Variants in NBEA observed in about 807,000 individuals in gnomAD.
The protein encoded by NBEA is lysosomal-trafficking regulator 2.
Under a neutral mutation model 343.4 loss-of-function variants are expected in NBEA, and 44 were observed. The observed-to-expected ratio is 0.13, with a 90% CI of 0.10 to 0.16. The LOEUF (loss-of-function observed/expected upper bound fraction) is 0.16. NBEA is among the 10% of genes least tolerant of loss of function. The pLI, the probability that NBEA is intolerant of heterozygous loss-of-function variation, is 1.00. For synonymous variants in NBEA, 1,175 were observed against 1,238.7 expected, an observed-to-expected ratio of 0.95 and a Z score of 1.08; for missense variants, 2,555 against 3,631.3, an observed-to-expected ratio of 0.70 and a Z score of 7.62.
At chr13:35,357,965 T>G (rs552750249) in intron 38 of NBEA, among the ~76,000 whole-genome samples, 5 of 152,290 alleles carry the variant, frequency 3.3e-5, no homozygotes, top group African/African-American at 9.6e-5. Context: ...GCTTAATCAC[T>G]CCTTAACTTC....
At chr13:35,666,102 C>G (rs1358067108) in intron 56 of NBEA, among the ~76,000 whole-genome samples, 2 of 152,036 alleles carry the variant, frequency 1.3e-5, no homozygotes, top group Non-Finnish European at 2.9e-5. Flanking sequence ...GGTGCCACAA[C>G]CTGGAGGAAT....
intron 36 of NBEA, among the ~76,000 whole-genome samples, chr13:35,341,556 A>C (rs2039584778): frequency 6.6e-6 from 1 of 152,098 alleles, no homozygotes; most frequent in African/African-American, 2.4e-5. Flanking sequence ...TAATAAGACA[A>C]ATGGCCCAAT....
At chr13:35,213,087 C>G (rs2073876233) in intron 33 of NBEA, among the ~76,000 whole-genome samples, 1 of 151,514 alleles carries the variant, frequency 6.6e-6, no homozygotes, top group South Asian at 2.1e-4. Context: ...CTACATTTTC[C>G]CTGTCTTGCC....
chr13:35,169,452 T>C (rs962089433), intron 25 of NBEA, among the ~76,000 whole-genome samples: 1 of 151,472 alleles, frequency 6.6e-6, no homozygotes, highest in African/African-American at 2.4e-5. Context: ...ACTCTAAAAT[T>C]TAATTTTTTC....
chr13:35,458,109 C>A (rs977907854), intron 40 of NBEA, among the ~76,000 whole-genome samples: 8 of 152,168 alleles, frequency 5.3e-5, no homozygotes, highest in Non-Finnish European at 1.2e-4. Flanking sequence ...ATTGGTGGGT[C>A]AAATAATAAC....
At position 34,942,958 on chromosome 13, in the gene NBEA, G is replaced by T. The variant is rs532800227; in HGVS notation, c.138G>T (p.Arg46Ser). 3 of 1,599,034 alleles carry T rather than the reference G, an allele frequency of 1.9e-6. No individual in the cohort carries two copies. Among genetic ancestry groups the T allele is most frequent in the Non-Finnish European group, 2.6e-6 (3 of 1,173,232 alleles). Residue 46 changes from arginine to serine, a missense_variant, in exon 1 of 59, where the codon AGG (arginine) becomes AGT (serine). Around this residue, in one of 21 missense-constraint regions of NBEA, gnomAD observed 122 missense variants for 91.0 expected, o/e 1.34. Transcript: ENST00000379939. ...GGGGCAGCGGGATGGGGGAGCTAAG[G>T]GGGGCGTCCGGCTCCGGCTCGGTGA... ...GTGGSGMGEL[R>S]GASGSGSVML...
chr13:35,142,175 A>T, intron 17 of NBEA, 94 bp from the exon 18 acceptor site: 1 of 658,226 alleles, frequency 1.5e-6, no homozygotes. Context: ...ATTATTCTGT[A>T]TCTGCTTATA....
At chr13:35,418,966 G>A (rs1273287487) in intron 38 of NBEA, among the ~76,000 whole-genome samples, 1 of 151,844 alleles carries the variant, frequency 6.6e-6, no homozygotes, top group Admixed American at 6.6e-5. Context: ...TTGGGGATGG[G>A]ACCCAAGTTT....
intron 42 of NBEA, 74 bp from the exon 43 acceptor site, chr13:35,550,856 A>T: frequency 1.1e-6 from 1 of 881,414 alleles, no homozygotes; most frequent in South Asian, 1.7e-5. Flanking sequence ...TAGGCACTTG[A>T]AGATGACTTG....
At chr13:35,312,544 G>A (rs939280195) in intron 36 of NBEA, among the ~76,000 whole-genome samples, 2 of 152,166 alleles carry the variant, frequency 1.3e-5, no homozygotes, top group African/African-American at 4.8e-5. Context: ...AAAGAATACT[G>A]GAGAATAACT....
At chr13:35,128,589 T>C (rs1408868379) in intron 17 of NBEA, among the ~76,000 whole-genome samples, 1 of 152,044 alleles carries the variant, frequency 6.6e-6, no homozygotes, top group East Asian at 1.9e-4. Flanking sequence ...ATACTACAAG[T>C]CAGTAAGTTT....
At chr13:35,449,082 G>T (rs1050401298) in intron 39 of NBEA, among the ~76,000 whole-genome samples, 9 of 152,326 alleles carry the variant, frequency 5.9e-5, no homozygotes, top group African/African-American at 2.2e-4. Flanking sequence ...GAAGCTATAA[G>T]TGGTCCAATA....
At chr13:35,206,835 T>C (rs961852023) in intron 31 of NBEA, among the ~76,000 whole-genome samples, 1 of 152,124 alleles carries the variant, frequency 6.6e-6, no homozygotes, top group African/African-American at 2.4e-5. Flanking sequence ...GCCTTAGTTT[T>C]GAAATATAGT....
chr13:35,403,993 T>G (rs1262339593), intron 38 of NBEA, among the ~76,000 whole-genome samples: 3 of 146,908 alleles, frequency 2.0e-5, no homozygotes, highest in Non-Finnish European at 3.0e-5. Context: ...CAAAAACACA[T>G]GAAAAAATGC....
intron 17 of NBEA, among the ~76,000 whole-genome samples, chr13:35,139,435 T>A (rs1001694861): frequency 2.0e-5 from 3 of 152,140 alleles, no homozygotes; most frequent in Non-Finnish European, 4.4e-5. Flanking sequence ...TTCAGTGGAA[T>A]GTATAGTAAG....
rs556810726 is a variant in NBEA at position 35,183,222 on chromosome 13, A to G, written c.4831+694A>G. Among the ~76,000 whole-genome samples, 36 of 152,098 alleles carry G rather than the reference A, an allele frequency of 2.4e-4. No homozygotes were observed. The South Asian group carries it at 2.5e-3, about 11-fold the overall frequency. ...GGCAACTAACATTTTAATATTGGACACCTTCTATCATTATCATTTCCTTCC... is the reference window on the plus strand; with the variant it reads ...GGCAACTAACATTTTAATATTGGACGCCTTCTATCATTATCATTTCCTTCC... On this transcript the variant is annotated intron_variant, in intron 29 of 58. Transcript: ENST00000379939.
chr13:35,296,154 G>A (rs1171233757), intron 35 of NBEA, among the ~76,000 whole-genome samples: 1 of 152,020 alleles, frequency 6.6e-6, no homozygotes, highest in Admixed American at 6.6e-5. Flanking sequence ...CACTTTGGGA[G>A]GCCAAGGCAG....
chr13:35,580,891 T>G (rs1042734093), intron 45 of NBEA, among the ~76,000 whole-genome samples: 5 of 152,206 alleles, frequency 3.3e-5, no homozygotes, highest in Non-Finnish European at 7.3e-5. Context: ...ATGAAACTTG[T>G]GTAAAATAAA....
At chr13:35,592,848 G>A (rs1479792369) in intron 46 of NBEA, among the ~76,000 whole-genome samples, 4 of 94,556 alleles carry the variant, frequency 4.2e-5, no homozygotes, top group Admixed American at 1.3e-4. Flanking sequence ...TAATACTTTC[G>A]TAGTCTTTCA....
Sources: allele counts gnomAD v4.1 joint callset (sites outside exome capture counted in the v4.1 genomes callset), GRCh38; gene constraint gnomAD v4.1.1; regional missense constraint gnomAD v4.1.1; transcripts MANE v1.5; gene names NCBI Gene and HGNC (gene_info 2026-07-23, HGNC 2026-07-21).